CDKAL1: variants seen among roughly 807,000 people sequenced by gnomAD.
CDKAL1 encodes the protein threonylcarbamoyladenosine tRNA methylthiotransferase.
In CDKAL1, 32 loss-of-function variants were observed where a neutral mutation model predicts 68.2. The ratio of observed to expected loss-of-function variants is 0.47; its 90% CI spans 0.35 to 0.63. CDKAL1 has a LOEUF of 0.63. Among genes scored for constraint, CDKAL1 ranks in the 30% least tolerant of loss-of-function variants. The probability of loss-of-function intolerance (pLI) is 0.00; values close to 1 mark genes in which losing one functional copy is unlikely to be tolerated. For missense variants in CDKAL1, 606 were observed against 696.7 expected, an observed-to-expected ratio of 0.87 and a Z score of 1.47; for synonymous variants, 234 against 244.3, an observed-to-expected ratio of 0.96 and a Z score of 0.39.
At chr6:20,880,417 A>C (rs1461029936) in intron 9 of CDKAL1, among the ~76,000 whole-genome samples, 11 of 152,022 alleles carry the variant, frequency 7.2e-5, no homozygotes. Flanking sequence ...CACCATGCCC[A>C]GCTAATTTTT....
chr6:21,142,170 T>C (rs993141423), intron 13 of CDKAL1, among the ~76,000 whole-genome samples: 1 of 152,102 alleles, frequency 6.6e-6, no homozygotes, highest in African/African-American at 2.4e-5. Flanking sequence ...AATCAGAAAT[T>C]TGCTGCCAGT....
chr6:21,132,834 T>C (rs1447315922), intron 13 of CDKAL1, among the ~76,000 whole-genome samples: 1 of 152,182 alleles, frequency 6.6e-6, no homozygotes, highest in Non-Finnish European at 1.5e-5. Flanking sequence ...GAGACGGTAT[T>C]TAGTGGCTGT....
At chr6:20,911,716 G>A (rs532005673) in intron 9 of CDKAL1, among the ~76,000 whole-genome samples, 2 of 152,308 alleles carry the variant, frequency 1.3e-5, no homozygotes, top group East Asian at 1.9e-4. Context: ...CCTTTCTGAT[G>A]CAGGGAATAA....
chr6:21,154,832 A>G (rs1776568554), intron 13 of CDKAL1, among the ~76,000 whole-genome samples: 1 of 152,082 alleles, frequency 6.6e-6, no homozygotes, highest in African/African-American at 2.4e-5. Flanking sequence ...TACTAAAAAT[A>G]CCAAAAAAAA....
At chr6:20,619,512 A>T (rs1162598799) in intron 4 of CDKAL1, among the ~76,000 whole-genome samples, 1 of 152,248 alleles carries the variant, frequency 6.6e-6, no homozygotes, top group Non-Finnish European at 1.5e-5. Flanking sequence ...AGTTAAAAAA[A>T]ATGAGAAATT....
At chr6:20,551,683 G>A (rs565976999) in intron 4 of CDKAL1, among the ~76,000 whole-genome samples, 3 of 151,918 alleles carry the variant, frequency 2.0e-5, no homozygotes, top group Non-Finnish European at 2.9e-5. Context: ...AATACCTTAT[G>A]TTATTAATTT....
chr6:20,577,222 A>G (rs553301513), intron 4 of CDKAL1, among the ~76,000 whole-genome samples: 1 of 152,352 alleles, frequency 6.6e-6, no homozygotes, highest in East Asian at 1.9e-4. Flanking sequence ...ACATTTTATT[A>G]TGAACTATTT....
At chr6:20,687,222 T>G (rs1004521621) in intron 5 of CDKAL1, among the ~76,000 whole-genome samples, 2 of 152,186 alleles carry the variant, frequency 1.3e-5, no homozygotes, top group Non-Finnish European at 2.9e-5. Context: ...TCCTCTTGAT[T>G]CTAATTTCTG....
intron 11 of CDKAL1, among the ~76,000 whole-genome samples, chr6:21,015,813 T>G (rs1395635200): frequency 6.6e-6 from 1 of 151,830 alleles, no homozygotes; most frequent in Non-Finnish European, 1.5e-5. Context: ...TGTAATCCCA[T>G]GGCGCGCGCC....
intron 4 of CDKAL1, among the ~76,000 whole-genome samples, chr6:20,606,814 C>T (rs985339840): frequency 6.6e-6 from 1 of 152,138 alleles, no homozygotes; most frequent in Non-Finnish European, 1.5e-5. Flanking sequence ...TCTGCCAATG[C>T]GTTTTTGATG....
At chr6:21,103,882 A>G (rs184293887) in intron 12 of CDKAL1, among the ~76,000 whole-genome samples, 163 of 152,324 alleles carry the variant, frequency 1.1e-3, no homozygotes, top group Admixed American at 8.0e-3. Context: ...TTAGACATAC[A>G]CTATGATGCA....
intron 9 of CDKAL1, among the ~76,000 whole-genome samples, chr6:20,918,021 G>A (rs1203587588): frequency 6.6e-6 from 1 of 152,092 alleles, no homozygotes; most frequent in Non-Finnish European, 1.5e-5. Flanking sequence ...TGAGGCATAA[G>A]AATTGTTTTA....
intron 4 of CDKAL1, among the ~76,000 whole-genome samples, chr6:20,588,389 G>A (rs868391454): frequency 6.6e-6 from 1 of 152,234 alleles, no homozygotes; most frequent in African/African-American, 2.4e-5. Flanking sequence ...AGCAGCCTAC[G>A]CTACTCATTT....
chr6:20,889,618 C>A (rs1761275668), intron 9 of CDKAL1, among the ~76,000 whole-genome samples: 1 of 152,140 alleles, frequency 6.6e-6, no homozygotes, highest in African/African-American at 2.4e-5. Context: ...AATAGGGAAT[C>A]CTTTCCCCAT....
intron 11 of CDKAL1, among the ~76,000 whole-genome samples, chr6:21,013,085 A>C (rs906682023): frequency 3.3e-5 from 5 of 151,982 alleles, no homozygotes; most frequent in African/African-American, 1.2e-4. Context: ...CATCTGAAGC[A>C]CTCTTAATCC....
chr6:20,809,410 T>A (rs1230112949), intron 8 of CDKAL1, among the ~76,000 whole-genome samples: 1 of 152,200 alleles, frequency 6.6e-6, no homozygotes, highest in Non-Finnish European at 1.5e-5. Flanking sequence ...AACAAGCTGA[T>A]TAGGTATCAC....
chr6:20,596,709 A>G (rs1294074654), intron 4 of CDKAL1, among the ~76,000 whole-genome samples: 1 of 152,114 alleles, frequency 6.6e-6, no homozygotes. Flanking sequence ...CCACTAGGGT[A>G]TGTAGAAAAA....
At chr6:20,581,504 G>T (rs1188498086) in intron 4 of CDKAL1, among the ~76,000 whole-genome samples, 1 of 152,106 alleles carries the variant, frequency 6.6e-6, no homozygotes, top group African/African-American at 2.4e-5. Context: ...AATATTTGAA[G>T]AAAAATTTTA....
intron 9 of CDKAL1, among the ~76,000 whole-genome samples, chr6:20,847,748 AAAG>A (rs1206190820): frequency 2.6e-5 from 4 of 152,150 alleles, no homozygotes; most frequent in Non-Finnish European, 5.9e-5. Flanking sequence ...CTTGAGAAAA[AAAG>A]AAGACAGAAC....
Sources: gnomAD v4.1 joint callset for allele counts (sites outside exome capture counted in the v4.1 genomes callset) on GRCh38, gnomAD v4.1.1 for gene constraint, MANE v1.5 for transcripts, NCBI Gene and HGNC (gene_info 2026-07-23, HGNC 2026-07-21) for gene names.